The following ASTN1 variants were observed in gnomAD, a reference collection of about 807,000 sequenced individuals.
The protein encoded by ASTN1 is astrotactin 1, also known as astrotactin-1.
ASTN1 carries 41 observed loss-of-function variants against 140.7 expected under a neutral mutation model. That is an observed-to-expected ratio of 0.29 (90% CI 0.23 to 0.38). The LOEUF is 0.38. ASTN1 is among the 10% of genes least tolerant of loss of function. ASTN1 has a pLI of 1.00. For synonymous variants in ASTN1, 640 were observed against 652.2 expected, an observed-to-expected ratio of 0.98 and a Z score of 0.29; for missense variants, 1,479 against 1,678.8, an observed-to-expected ratio of 0.88 and a Z score of 2.08.
chr1:176,862,902 T>C lies in ASTN1; in HGVS notation c.*1382A>G. 1 of 985,470 alleles carries C rather than the reference T, an allele frequency of 1.0e-6. No individual in the cohort carries two copies. The highest frequency in any genetic ancestry group is 1.2e-6 in the Non-Finnish European group (1 of 829,950). 61.0% of individuals were successfully genotyped at this position (985,470 alleles called of 1,614,324 possible). On this transcript the variant is annotated 3_prime_UTR_variant, in exon 23 of 23. Transcript: ENST00000361833. Reference sequence around the variant, plus strand: ...TGCATCTGTTTGCTGACCTTTCTCATATGTTTCCAGATGAGGAGCCCTGGT... The same window carrying C: ...TGCATCTGTTTGCTGACCTTTCTCACATGTTTCCAGATGAGGAGCCCTGGT...
At chr1:176,941,638 T>C (rs1671718367) in intron 14 of ASTN1, among the ~76,000 whole-genome samples, 1 of 152,208 alleles carries the variant, frequency 6.6e-6, no homozygotes, top group Non-Finnish European at 1.5e-5. Context: ...CTGATGTTTC[T>C]CAGCTTTATC....
chr1:176,884,420 G>A lies in ASTN1; in HGVS notation c.3145C>T (p.Pro1049Ser). 6.2e-7 allele frequency: 1 copy of A among 1,614,112 alleles called. No individual in the cohort carries two copies. Among genetic ancestry groups the A allele is most frequent in the East Asian group, 2.2e-5 (1 of 44,860 alleles). Residue 1049 changes from proline to serine, a missense_variant, in exon 19 of 23, where the codon CCA becomes TCA. By Grantham distance (74) the Pro-to-Ser change is moderately conservative. Around this residue, in one of 3 missense-constraint regions of ASTN1, gnomAD observed 746 missense variants for 800.9 expected, o/e 0.93. Transcript: ENST00000361833. ...VVLEWEHSEP[P>S]IGVQIVDYLL... The stretch of plus-strand genomic sequence containing the variant: ...TAATCTACAATCTGCACCCCGATTG[G>A]TGGCTCTGAGTGTTCCCACTCCAGG...
chr1:177,001,273 T>G (rs545711459), intron 8 of ASTN1, among the ~76,000 whole-genome samples: 36 of 152,324 alleles, frequency 2.4e-4, no homozygotes, highest in African/African-American at 8.4e-4. Context: ...ATTTACATTC[T>G]AGAAGTAGGT....
At chr1:176,896,591 T>A (rs547675736) in intron 16 of ASTN1, among the ~76,000 whole-genome samples, 60 of 152,278 alleles carry the variant, frequency 3.9e-4, no homozygotes, top group African/African-American at 1.3e-3. Flanking sequence ...AGGTCTTTGA[T>A]CCTTGGTGTG....
chr1:176,898,950 T>C (rs1041451539), intron 16 of ASTN1, among the ~76,000 whole-genome samples: 8 of 152,184 alleles, frequency 5.3e-5, no homozygotes, highest in African/African-American at 1.4e-4. Flanking sequence ...AATCTTATAA[T>C]TGACAAAGGT....
chr1:176,924,992 G>A (rs1420810346), intron 16 of ASTN1, among the ~76,000 whole-genome samples: 2 of 152,144 alleles, frequency 1.3e-5, no homozygotes, highest in Non-Finnish European at 2.9e-5. Flanking sequence ...GTAGTACAAA[G>A]CTATTAAATA....
rs1407364456 is a variant in ASTN1 at position 177,149,357 on chromosome 1, T to C, written c.283+15037A>G. ...AAATATATATATAGTATATATATAG[T>C]AAATATATATATAGTATATATAGTA... On this transcript the variant is annotated intron_variant, in intron 1 of 22. Transcript: ENST00000361833. Among the ~76,000 whole-genome samples the C allele has an allele frequency of 3.9e-5, 3 of 77,782 alleles. No individual in the cohort carries two copies. In the East Asian group the frequency reaches 1.2e-3, roughly 32 times the overall value. The allele number at this position is 77,782 out of a possible 152,430, so 51.0% of individuals were successfully genotyped here. A position where few individuals can be genotyped will look rare whatever the true frequency, so the allele number is the denominator to read the frequency against.
intron 22 of ASTN1, among the ~76,000 whole-genome samples, chr1:176,865,590 G>A (rs1668103207): frequency 6.6e-6 from 1 of 152,156 alleles, no homozygotes; most frequent in Non-Finnish European, 1.5e-5. Flanking sequence ...CTTGTGACTT[G>A]GAAAACTCAA....
chr1:176,942,526 GA>G (rs1671762574), intron 14 of ASTN1, among the ~76,000 whole-genome samples: 1 of 152,010 alleles, frequency 6.6e-6, no homozygotes, highest in South Asian at 2.1e-4. Context: ...AGGAAGGTGT[GA>G]AAGGAAAATA....
rs775782427 is a variant in ASTN1 at position 176,957,758 on chromosome 1, C to A, written c.1807G>T (p.Asp603Tyr). The change falls in exon 11 of 23, where the codon GAC becomes TAC. Residue 603 changes from aspartate (D) to tyrosine (Y), a missense_variant. Asp to Tyr is a radical substitution (Grantham distance 160). Coordinates refer to ENST00000361833, the MANE Select transcript of ASTN1 (RefSeq NM_004319.3). ...CAGCCCCCGTTATCTTTGCTGCAGT[C>A]GCGCACCGGCCCAAAGGAATCTAAG... ...VLLDSFGPVRDCSKDNGGCSK... is the reference protein window; with the variant it reads ...VLLDSFGPVRYCSKDNGGCSK... The A allele has an allele frequency of 6.2e-7, 1 of 1,614,090 alleles. No individual in the cohort carries two copies. Among genetic ancestry groups the A allele is most frequent in the South Asian group, 1.1e-5 (1 of 91,062 alleles).
intron 1 of ASTN1, among the ~76,000 whole-genome samples, chr1:177,088,998 G>A (rs762677269): frequency 5.3e-4 from 80 of 152,080 alleles, no homozygotes; most frequent in Admixed American, 1.1e-3. Context: ...ATCCCTACTC[G>A]TATTTCTCCT....
chr1:177,143,311 C>T (rs1218373853), intron 1 of ASTN1, among the ~76,000 whole-genome samples: 3 of 152,210 alleles, frequency 2.0e-5, no homozygotes, highest in Admixed American at 6.5e-5. Flanking sequence ...AGAACATTAA[C>T]TTCCATCATC....
chr1:177,089,821 G>A lies in ASTN1; in HGVS notation c.284-28556C>T, dbSNP rs552305685. On this transcript the variant is annotated intron_variant, in intron 1 of 22. Transcript: ENST00000361833. ...GCAAAGGGCTTGGCAATAGAGACAC[G>A]AAAATAGAAATGAGAAGTCACTGAC... Among the ~76,000 whole-genome samples the A allele has an allele frequency of 1.8e-3, 271 of 152,220 alleles. 2 individuals are homozygous for A. The highest frequency in any genetic ancestry group is 6.3e-3 in the African/African-American group (262 of 41,542).
intron 11 of ASTN1, among the ~76,000 whole-genome samples, chr1:176,950,556 C>T (rs1571556260): frequency 6.6e-6 from 1 of 152,052 alleles, no homozygotes; most frequent in Admixed American, 6.6e-5. Flanking sequence ...CCAGTTAATT[C>T]ACAAACTCTT....
intron 1 of ASTN1, among the ~76,000 whole-genome samples, chr1:177,073,926 A>G (rs1678768241): frequency 6.6e-6 from 1 of 152,036 alleles, no homozygotes. Context: ...ATCATTAAAG[A>G]TTAGTGACAA....
intron 11 of ASTN1, among the ~76,000 whole-genome samples, chr1:176,957,009 T>C (rs1451815774): frequency 6.6e-6 from 1 of 152,160 alleles, no homozygotes; most frequent in Non-Finnish European, 1.5e-5. Flanking sequence ...GGAATCCTTC[T>C]GCCTCAGCCT....
At chr1:177,069,425 G>C (rs1157781868) in intron 1 of ASTN1, among the ~76,000 whole-genome samples, 1 of 152,118 alleles carries the variant, frequency 6.6e-6, no homozygotes, top group East Asian at 1.9e-4. Context: ...AACTGAAGAA[G>C]CAGGAGTGAT....
intron 13 of ASTN1, among the ~76,000 whole-genome samples, chr1:176,944,511 ACCTTGGCCTC>A (rs1303651198): frequency 6.6e-6 from 1 of 152,074 alleles, no homozygotes; most frequent in Non-Finnish European, 1.5e-5. Flanking sequence ...ACCACCCACC[ACCTTGGCCTC>A]CCAAAGTGCT....
At chr1:176,902,700 G>A (rs377542610) in intron 16 of ASTN1, among the ~76,000 whole-genome samples, 6 of 152,278 alleles carry the variant, frequency 3.9e-5, no homozygotes, top group South Asian at 4.1e-4. Flanking sequence ...AAGAAATGAT[G>A]GGATAGTAGA....
Sources: gnomAD v4.1 joint callset for allele counts (sites outside exome capture counted in the v4.1 genomes callset) on GRCh38, gnomAD v4.1.1 for gene constraint, gnomAD v4.1.1 regional missense constraint, MANE v1.5 for transcripts, NCBI Gene and HGNC (gene_info 2026-07-23, HGNC 2026-07-21) for gene names.